The following SRRM4 variants were observed in gnomAD, a reference collection of about 807,000 sequenced individuals.
The protein encoded by SRRM4 is serine/arginine repetitive matrix protein 4.
SRRM4 carries 33 observed loss-of-function variants against 68.9 expected under a neutral mutation model. The ratio of observed to expected loss-of-function variants is 0.48; its 90% CI spans 0.36 to 0.64. The LOEUF (loss-of-function observed/expected upper bound fraction) is 0.64, where lower values mean the gene tolerates loss of function less well. SRRM4 is among the 30% of genes least tolerant of loss of function. The probability of loss-of-function intolerance (pLI) is 0.00; values close to 1 mark genes in which losing one functional copy is unlikely to be tolerated. For missense variants in SRRM4, 817 were observed against 827.1 expected, an observed-to-expected ratio of 0.99 and a Z score of 0.15; for synonymous variants, 318 against 318.8, an observed-to-expected ratio of 1.00 and a Z score of 0.03.
intron 1 of SRRM4, among the ~76,000 whole-genome samples, chr12:119,083,855 AGAG>A (rs1328554323): frequency 6.6e-6 from 1 of 152,224 alleles, no homozygotes; most frequent in African/African-American, 2.4e-5. Context: ...CTAAATACAC[AGAG>A]AAGATCCAAT....
chr12:119,129,872 AATGG>A (rs112594447), intron 7 of SRRM4, among the ~76,000 whole-genome samples: 23,958 of 136,738 alleles, frequency 0.18, 1,911 homozygotes, highest in Middle Eastern at 0.21. Context: ...TAGTTGGACA[AATGG>A]ATGGATGGAT....
intron 1 of SRRM4, among the ~76,000 whole-genome samples, chr12:119,100,048 A>G (rs540775206): frequency 5.1e-4 from 77 of 152,290 alleles, no homozygotes; most frequent in Non-Finnish European, 7.2e-4. Flanking sequence ...CACATTCTAA[A>G]CCACCCAAAT....
At chr12:119,007,169 C>T (rs1236887475) in intron 1 of SRRM4, among the ~76,000 whole-genome samples, 2 of 152,236 alleles carry the variant, frequency 1.3e-5, no homozygotes, top group Non-Finnish European at 2.9e-5. Flanking sequence ...AAGACACGAA[C>T]CATCCATTGC....
intron 1 of SRRM4, among the ~76,000 whole-genome samples, chr12:118,994,666 T>G (rs1309820975): frequency 6.6e-6 from 1 of 152,242 alleles, no homozygotes; most frequent in Non-Finnish European, 1.5e-5. Flanking sequence ...GGGCTTGAAT[T>G]CTACTCCACC....
In SRRM4 at chr12:119,059,189, C is replaced by T. The variant is rs1953795634; in HGVS notation, c.132-43047C>T. Among the ~76,000 whole-genome samples the T allele has an allele frequency of 2.0e-5, 3 of 152,236 alleles. No individual in the cohort carries two copies. In the South Asian group the frequency reaches 6.2e-4, roughly 32 times the overall value. ...CCAATTAAACATCCCCTTCCCTACC[C>T]ACCCTGTCCCTTTCTACTTGACATT... On this transcript the variant is annotated intron_variant, in intron 1 of 12. Transcript: ENST00000267260.
intron 1 of SRRM4, among the ~76,000 whole-genome samples, chr12:119,012,200 CCATT>C (rs1298454508): frequency 6.6e-6 from 1 of 152,170 alleles, no homozygotes; most frequent in African/African-American, 2.4e-5. Context: ...TGAAAGGGCA[CCATT>C]CATTCATTCG....
chr12:119,025,436 T>TTTTGTTTG (rs574586645), intron 1 of SRRM4, among the ~76,000 whole-genome samples: 1 of 151,064 alleles, frequency 6.6e-6, no homozygotes, highest in Admixed American at 6.6e-5. Flanking sequence ...GAGTTTTTTT[T>TTTTGTTTG]TTTGTTTGTT....
intron 6 of SRRM4, among the ~76,000 whole-genome samples, chr12:119,122,437 C>T (rs1463097855): frequency 1.3e-5 from 2 of 152,016 alleles, no homozygotes; most frequent in East Asian, 1.9e-4. Flanking sequence ...TGTGTATGCA[C>T]GCTTGTTTAT....
intron 1 of SRRM4, among the ~76,000 whole-genome samples, chr12:119,100,357 G>A (rs1954071380): frequency 7.0e-6 from 1 of 143,510 alleles, no homozygotes; most frequent in Non-Finnish European, 1.5e-5. Flanking sequence ...GGGTGTGGTG[G>A]TGTGTAACTG....
chr12:119,105,545 T>C (rs1405764964), intron 2 of SRRM4, among the ~76,000 whole-genome samples: 1 of 152,224 alleles, frequency 6.6e-6, no homozygotes, highest in Non-Finnish European at 1.5e-5. Context: ...CATTGTAGTT[T>C]TGATTTGCAT....
intron 2 of SRRM4, among the ~76,000 whole-genome samples, chr12:119,111,846 C>T (rs1380428410): frequency 6.6e-6 from 1 of 152,118 alleles, no homozygotes; most frequent in Non-Finnish European, 1.5e-5. Flanking sequence ...GAGTTCGAGA[C>T]CAGCCTGGCC....
intron 2 of SRRM4, among the ~76,000 whole-genome samples, chr12:119,106,406 G>T (rs901543462): frequency 6.6e-6 from 1 of 151,552 alleles, no homozygotes; most frequent in Non-Finnish European, 1.5e-5. Flanking sequence ...GGGCAGTATG[G>T]CCATTTTCAT....
At chr12:118,997,537 T>C (rs1430877996) in intron 1 of SRRM4, among the ~76,000 whole-genome samples, 3 of 152,248 alleles carry the variant, frequency 2.0e-5, no homozygotes, top group Non-Finnish European at 4.4e-5. Flanking sequence ...TTTGTGTTTC[T>C]TCATGATTCT....
At chr12:119,046,273 T>C (rs1389884267) in intron 1 of SRRM4, among the ~76,000 whole-genome samples, 1 of 151,968 alleles carries the variant, frequency 6.6e-6, no homozygotes, top group Non-Finnish European at 1.5e-5. Context: ...AGGAGGAAAG[T>C]CCAAGTCTGA....
In SRRM4 at chr12:119,140,167, G is replaced by A. The variant is rs190260059; in HGVS notation, c.772-5214G>A. Among the ~76,000 whole-genome samples, 26 of 152,280 alleles carry A rather than the reference G, an allele frequency of 1.7e-4. No individual in the cohort carries two copies. The East Asian group carries it at 3.5e-3, about 20-fold the overall frequency. ...GGCGGAACAGATCACCTGAGATCAG[G>A]AGTTCGAGACCAGCCTGGCCAACAT... On this transcript the variant is annotated intron_variant, in intron 8 of 12. Coordinates refer to ENST00000267260, the MANE Select transcript of SRRM4 (RefSeq NM_194286.4).
intron 4 of SRRM4, among the ~76,000 whole-genome samples, chr12:119,117,929 A>C (rs1164961679): frequency 6.6e-6 from 1 of 152,130 alleles, no homozygotes; most frequent in Non-Finnish European, 1.5e-5. Context: ...ACAAACAAAC[A>C]AACAAACAAA....
At chr12:118,982,148 C>T in intron 1 of SRRM4, 135 bp downstream of exon 1, 3 of 1,136,438 alleles carry the variant, frequency 2.6e-6, no homozygotes, top group Non-Finnish European at 3.7e-6. Context: ...GCGGCTCCCG[C>T]TGAAACATGG....
At chr12:119,131,850 G>A (rs1215883286) in intron 8 of SRRM4, among the ~76,000 whole-genome samples, 1 of 152,186 alleles carries the variant, frequency 6.6e-6, no homozygotes, top group Non-Finnish European at 1.5e-5. Flanking sequence ...CTGTGAAAGG[G>A]ACTGTTTTCT....
rs202101083 is a variant in SRRM4 at position 119,030,602 on chromosome 12, T to A, written c.131+48589T>A. Among the ~76,000 whole-genome samples, 10 of 152,204 alleles carry A rather than the reference T, an allele frequency of 6.6e-5. No individual in the cohort carries two copies. The East Asian group carries it at 1.9e-3, about 29-fold the overall frequency. On this transcript the variant is annotated intron_variant, in intron 1 of 12. Transcript: ENST00000267260. ...ACATTATTCACTTTTTATTGGTATA[T>A]CTGCAGTCTTTTTCTCTATGCATAT... is the stretch of plus-strand genomic sequence containing the variant.
Sources: gnomAD v4.1 joint callset for allele counts (sites outside exome capture counted in the v4.1 genomes callset) on GRCh38, gnomAD v4.1.1 for gene constraint, MANE v1.5 for transcripts, NCBI Gene and HGNC (gene_info 2026-07-23, HGNC 2026-07-21) for gene names.